ROBO2: variants seen among roughly 807,000 people sequenced by gnomAD.
ROBO2 encodes roundabout guidance receptor 2.
ROBO2 carries 53 observed loss-of-function variants against 160.8 expected under a neutral mutation model. The ratio of observed to expected loss-of-function variants is 0.33; its 90% CI spans 0.26 to 0.41. The LOEUF is 0.41. ROBO2 is among the 10% of genes least tolerant of loss of function. The pLI is 1.00. For synonymous variants in ROBO2, 664 were observed against 611.7 expected (o/e 1.09, Z -1.26); for missense variants, 1,577 against 1,722.4 (o/e 0.92, Z 1.49).
At chr3:75,947,530 G>C (rs1948355861) in intron 2 of ROBO2, among the ~76,000 whole-genome samples, 1 of 152,158 alleles carries the variant, frequency 6.6e-6, no homozygotes. Flanking sequence ...AATATTTACT[G>C]TCTGGCTCTT....
At chr3:77,615,595 G>C (rs925563212) in intron 21 of ROBO2, among the ~76,000 whole-genome samples, 6 of 152,084 alleles carry the variant, frequency 3.9e-5, no homozygotes, top group Non-Finnish European at 7.4e-5. Flanking sequence ...CTTATTGTGT[G>C]TACCTTTTTT....
intron 6 of ROBO2, among the ~76,000 whole-genome samples, chr3:77,525,424 T>TAAA (rs34783219): frequency 2.7e-5 from 4 of 146,752 alleles, no homozygotes; most frequent in Admixed American, 2.1e-4. Context: ...AAATATGCTT[T>TAAA]AAAAAAAAAA....
intron 2 of ROBO2, among the ~76,000 whole-genome samples, chr3:76,453,302 GT>G (rs1456315119): frequency 6.6e-6 from 1 of 152,150 alleles, no homozygotes; most frequent in African/African-American, 2.4e-5. Flanking sequence ...GGTTTTTATA[GT>G]TTTTAGCTCT....
At chr3:76,696,147 AG>A (rs2092922068) in intron 2 of ROBO2, among the ~76,000 whole-genome samples, 1 of 152,144 alleles carries the variant, frequency 6.6e-6, no homozygotes, top group Non-Finnish European at 1.5e-5. Flanking sequence ...GAATGACTTG[AG>A]GCGGGAAAGT....
chr3:77,529,603 T>C (rs1179723796), intron 6 of ROBO2, among the ~76,000 whole-genome samples: 2 of 151,852 alleles, frequency 1.3e-5, no homozygotes, highest in Admixed American at 6.6e-5. Flanking sequence ...GTACATTGAT[T>C]TGAAAATGTG....
chr3:76,338,330 CTTT>C (rs2074015765), intron 2 of ROBO2, among the ~76,000 whole-genome samples: 2 of 152,078 alleles, frequency 1.3e-5, no homozygotes, highest in Admixed American at 1.3e-4. Flanking sequence ...CAAGTTCCTT[CTTT>C]TACTTGCTCA....
intron 2 of ROBO2, among the ~76,000 whole-genome samples, chr3:76,556,148 G>T (rs1310791276): frequency 6.6e-6 from 1 of 151,750 alleles, no homozygotes; most frequent in African/African-American, 2.4e-5. Flanking sequence ...AAGAAAGAAA[G>T]AAAAAAGAAA....
intron 2 of ROBO2, among the ~76,000 whole-genome samples, chr3:76,248,970 TTGAC>T (rs1403398535): frequency 4.6e-5 from 7 of 152,146 alleles, no homozygotes; most frequent in Admixed American, 1.3e-4. Context: ...TCTAACATGA[TTGAC>T]TGATTTTCTA....
intron 2 of ROBO2, among the ~76,000 whole-genome samples, chr3:77,027,767 TTTAA>T (rs2063062670): frequency 6.6e-6 from 1 of 152,048 alleles, no homozygotes; most frequent in Non-Finnish European, 1.5e-5. Context: ...ACACAGTGTG[TTTAA>T]TTAAGTGTGT....
chr3:75,932,806 G>T (rs896070499), intron 1 of ROBO2, among the ~76,000 whole-genome samples: 1 of 152,038 alleles, frequency 6.6e-6, no homozygotes, highest in African/African-American at 2.4e-5. Flanking sequence ...ATTAAATGGG[G>T]TCAAAATTTA....
chr3:77,345,316 A>C (rs747200433), intron 2 of ROBO2, among the ~76,000 whole-genome samples: 2 of 152,012 alleles, frequency 1.3e-5, no homozygotes, highest in Non-Finnish European at 2.9e-5. Context: ...AATCCAAGAG[A>C]AGGTAGAAAC....
At chr3:76,987,242 C>A (rs1460643223) in intron 2 of ROBO2, among the ~76,000 whole-genome samples, 1 of 152,208 alleles carries the variant, frequency 6.6e-6, no homozygotes, top group Non-Finnish European at 1.5e-5. Context: ...TAGATAATAT[C>A]TGCAATTTAA....
At chr3:76,565,273 T>G (rs901763353) in intron 2 of ROBO2, among the ~76,000 whole-genome samples, 8 of 152,238 alleles carry the variant, frequency 5.3e-5, no homozygotes, top group Admixed American at 2.0e-4. Flanking sequence ...TTAATTTGAT[T>G]TATTTATTGC....
At chr3:77,188,498 C>A (rs6771293) in intron 2 of ROBO2, among the ~76,000 whole-genome samples, 67,852 of 151,444 alleles carry the variant, frequency 0.45, 15,641 homozygotes, top group Middle Eastern at 0.6. Context: ...TGCATTGCTT[C>A]CTGGGTTTGT....
rs137950370 is a variant in ROBO2, at chr3:77,391,237, G to T, written c.389-86177G>T. Among the ~76,000 whole-genome samples the T allele has an allele frequency of 6.6e-5, 10 of 152,208 alleles. No homozygotes were observed. In the East Asian group the frequency reaches 1.9e-3, roughly 30 times the overall value. On this transcript the variant is annotated intron_variant, in intron 2 of 25. Transcript: ENST00000461745. ...TTGCTTATAACCTGCAGTATTCAAA[G>T]TCAAGTTTTCATTAGAAACCTTTGA...
At chr3:76,321,019 A>C (rs2072474998) in intron 2 of ROBO2, among the ~76,000 whole-genome samples, 1 of 152,250 alleles carries the variant, frequency 6.6e-6, no homozygotes, top group African/African-American at 2.4e-5. Context: ...GCATTCATTC[A>C]ATAAATATTT....
chr3:76,284,948 C>T (rs1374002993), intron 2 of ROBO2, among the ~76,000 whole-genome samples: 1 of 152,108 alleles, frequency 6.6e-6, no homozygotes, highest in Non-Finnish European at 1.5e-5. Context: ...TTTCCCACTG[C>T]TCTTTTCAAA....
chr3:76,387,141 A>AG (rs1275086942), intron 2 of ROBO2, among the ~76,000 whole-genome samples: 3 of 152,106 alleles, frequency 2.0e-5, no homozygotes, highest in Non-Finnish European at 4.4e-5. Context: ...GGCAGGGTCG[A>AG]GGGGGAGAAA....
intron 2 of ROBO2, among the ~76,000 whole-genome samples, chr3:77,211,112 G>A (rs1361558328): frequency 2.0e-5 from 3 of 152,146 alleles, no homozygotes; most frequent in Non-Finnish European, 4.4e-5. Context: ...CCAGTAATGG[G>A]ATGGCTGGGT....
Sources: allele counts gnomAD v4.1 joint callset (sites outside exome capture counted in the v4.1 genomes callset), GRCh38; gene constraint gnomAD v4.1.1; transcripts MANE v1.5; gene names NCBI Gene and HGNC (gene_info 2026-07-23, HGNC 2026-07-21).